The following PABPC1L variants were observed in gnomAD, a reference collection of about 807,000 sequenced individuals.
PABPC1L encodes the protein poly(A) binding protein cytoplasmic 1 like, also known as polyadenylate-binding protein 1-like.
Under a neutral mutation model 66.6 loss-of-function variants are expected in PABPC1L, and 31 were observed. That is an observed-to-expected ratio of 0.47 (90% CI 0.35 to 0.63). The LOEUF is 0.63. PABPC1L is among the 20% of genes least tolerant of loss of function. PABPC1L has a pLI of 0.00. For missense variants in PABPC1L, 722 were observed against 848.8 expected, an observed-to-expected ratio of 0.85 and a Z score of 1.86; for synonymous variants, 348 against 335.1, an observed-to-expected ratio of 1.04 and a Z score of -0.42.
chr20:44,910,209 G>C lies in PABPC1L; in HGVS notation c.66G>C (p.Val22=). The C allele has an allele frequency of 6.3e-7, 1 of 1,580,232 alleles. No homozygotes were observed. The highest frequency in any genetic ancestry group is 8.6e-7 in the Non-Finnish European group (1 of 1,163,376). ...ACGTGGGCGATCTGCACCCCGACGT[G>C]ACCGAGGCCATGCTCTATGAGAAGT... The part of the protein sequence containing the change: ...SLYVGDLHPD[V]TEAMLYEKFS... Residue 22 remains valine (V), a synonymous_variant, in exon 1 of 15, where the codon GTG becomes GTC. Coordinates refer to ENST00000217073, the MANE Select transcript of PABPC1L (RefSeq NM_001372179.1).
At chr20:44,935,155 T>C (rs1320395950) in intron 10 of PABPC1L, among the ~76,000 whole-genome samples, 1 of 151,480 alleles carries the variant, frequency 6.6e-6, no homozygotes, top group Non-Finnish European at 1.5e-5. Context: ...TACCCAGAGG[T>C]AAAATTGATG....
chr20:44,936,503 C>A (rs1467043789), intron 11 of PABPC1L, 134 bp from the exon 12 acceptor site: 1 of 682,194 alleles, frequency 1.5e-6, no homozygotes, highest in Non-Finnish European at 2.5e-6. Flanking sequence ...CTCCACCCCA[C>A]CTGATCATCC....
intron 8 of PABPC1L, among the ~76,000 whole-genome samples, chr20:44,931,016 C>CCTTCCTT (rs1180097668): frequency 2.0e-5 from 1 of 49,066 alleles, no homozygotes; most frequent in African/African-American, 7.5e-5. Flanking sequence ...TCCCTTCCTT[C>CCTTCCTT]CCTTCCCTCC....
At chr20:44,921,149 A>AT (rs1452600461) in intron 5 of PABPC1L, among the ~76,000 whole-genome samples, 2 of 111,274 alleles carry the variant, frequency 1.8e-5, no homozygotes, top group East Asian at 4.9e-4. Flanking sequence ...CCCCAGTCCG[A>AT]ATTTTTTTTT....
At chr20:44,929,668 G>A (rs553085553) in intron 7 of PABPC1L, among the ~76,000 whole-genome samples, 18 of 151,918 alleles carry the variant, frequency 1.2e-4, no homozygotes, top group African/African-American at 3.6e-4. Context: ...GGTGGCACAC[G>A]CCTGTAGTCC....
chr20:44,916,804 G>A lies in PABPC1L; in HGVS notation c.436G>A (p.Glu146Lys). ...CCGGGGTTTCGGCTTTGTCCATTTT[G>A]AGACCCATGAGGCCGCACAGCAGGC... ...GSRGFGFVHF[E>K]THEAAQQAIN... The change falls in exon 3 of 15, where the codon GAG becomes AAG. Residue 146 changes from glutamate to lysine, a missense_variant. Physicochemically the swap from Glu to Lys is moderately conservative, Grantham distance 56. Transcript: ENST00000217073. The A allele has an allele frequency of 6.2e-7, 1 of 1,614,168 alleles. No individual in the cohort carries two copies. Among genetic ancestry groups the A allele is most frequent in the Non-Finnish European group, 8.5e-7 (1 of 1,180,024 alleles).
In PABPC1L at chr20:44,910,964, G is replaced by A. The variant is rs74478843; in HGVS notation, c.193+628G>A. On this transcript the variant is annotated intron_variant, in intron 1 of 14. Transcript: ENST00000217073. ...CGATGAGTTTGCCTGCACTTCTGTT[G>A]AGAGTGGAGAGGATGAGTGAGCTTG... is the stretch of plus-strand genomic sequence containing the variant. Among the ~76,000 whole-genome samples the A allele has an allele frequency of 3.9e-3, 593 of 152,344 alleles. 6 individuals carry two copies. The highest frequency in any genetic ancestry group is 0.014 in the African/African-American group (576 of 41,572).
intron 7 of PABPC1L, among the ~76,000 whole-genome samples, chr20:44,930,079 G>A (rs1294345662): frequency 6.6e-6 from 1 of 152,098 alleles, no homozygotes; most frequent in East Asian, 1.9e-4. Flanking sequence ...TGGGAGCCGC[G>A]ATGCCTCCCG....
At chr20:44,935,087 A>C (rs370104783) in intron 10 of PABPC1L, among the ~76,000 whole-genome samples, 126 of 151,514 alleles carry the variant, frequency 8.3e-4, no homozygotes, top group Non-Finnish European at 1.6e-3. Context: ...AAAAAAAAGA[A>C]AGAAAATGTT....
In PABPC1L at chr20:44,939,215, A is replaced by G. The variant is rs566987130; in HGVS notation, c.*96A>G. 1.4e-6 allele frequency: 1 copy of G among 717,782 alleles called. No individual in the cohort carries two copies. Among genetic ancestry groups the G allele is most frequent in the Non-Finnish European group, 2.6e-6 (1 of 385,146 alleles). The allele number at this position is 717,782 out of a possible 1,614,324, so 44.5% of individuals were successfully genotyped here. ...CCTGCAAACTCTAACTTATTTCCCA[A>G]TTAGTCTGTATCTATACTTGGGCTC... On this transcript the variant is annotated 3_prime_UTR_variant, in exon 15 of 15. Coordinates refer to ENST00000217073, the MANE Select transcript of PABPC1L (RefSeq NM_001372179.1).
At chr20:44,923,159 A>T (rs1015053036) in intron 6 of PABPC1L, among the ~76,000 whole-genome samples, 38 of 152,172 alleles carry the variant, frequency 2.5e-4, no homozygotes, top group African/African-American at 8.9e-4. Context: ...GGCAGCTGTC[A>T]CTCAACAGTG....
At chr20:44,933,743 C>A (rs1465432134) in intron 10 of PABPC1L, among the ~76,000 whole-genome samples, 1 of 147,106 alleles carries the variant, frequency 6.8e-6, no homozygotes, top group African/African-American at 2.5e-5. Flanking sequence ...CTGTGCCCAG[C>A]CTTAATTTTT....
rs776487546 is a variant in PABPC1L at position 44,938,736 on chromosome 20, G to A, written c.1854G>A (p.Met618Ile). 1.9e-6 allele frequency: 3 copies of A among 1,611,212 alleles called. No homozygotes were observed. Among genetic ancestry groups the A allele is most frequent in the Admixed American group, 1.7e-5 (1 of 59,602 alleles). Residue 618 changes from methionine to isoleucine, a missense_variant, in exon 14 of 15, where the codon ATG becomes ATA. Around this residue, in one of 3 missense-constraint regions of PABPC1L, gnomAD observed 301 missense variants for 337.2 expected, o/e 0.89. Coordinates refer to ENST00000217073, the MANE Select transcript of PABPC1L (RefSeq NM_001372179.1). ...CTATGGAGCAGCCGAAGGCGTACAT[G>A]CACTGAAACCAGGTGGGTGGAATGG... is the stretch of plus-strand genomic sequence containing the variant. ...HQAMEQPKAY[M>I]H
intron 1 of PABPC1L, 35 bp downstream of exon 1, chr20:44,910,371 C>G (rs1450676412): frequency 1.4e-6 from 2 of 1,448,022 alleles, no homozygotes; most frequent in African/African-American, 1.5e-5. Flanking sequence ...GGGGAAGGAC[C>G]GACGGACAAG....
chr20:44,932,881 T>TC (rs1180570391), intron 9 of PABPC1L, 176 bp from the exon 10 acceptor site: 2 of 590,764 alleles, frequency 3.4e-6, no homozygotes, highest in African/African-American at 3.7e-5. Flanking sequence ...ATTCCTACAC[T>TC]CCCCCTTTCT....
In PABPC1L at chr20:44,921,592, A is replaced by G. The variant is rs1156579430; in HGVS notation, c.739-2A>G. On this transcript the variant is annotated splice_acceptor_variant, in intron 5 of 14. Coordinates refer to ENST00000217073, the MANE Select transcript of PABPC1L (RefSeq NM_001372179.1). LOFTEE classifies it high-confidence loss of function. ...AAGCATGTTCCCTCCTCCTTTCCCC[A>G]GGCCGTGGTCCATATGAACGGGAAG... is the stretch of plus-strand genomic sequence containing the variant. 1 of 1,613,596 alleles carries G rather than the reference A, an allele frequency of 6.2e-7. No individual in the cohort carries two copies. Among genetic ancestry groups the G allele is most frequent in the African/African-American group, 1.3e-5 (1 of 74,890 alleles).
chr20:44,911,199 C>T (rs1197490532), intron 1 of PABPC1L, among the ~76,000 whole-genome samples: 7 of 152,112 alleles, frequency 4.6e-5, no homozygotes, highest in Non-Finnish European at 8.8e-5. Flanking sequence ...CGCAGTGGCT[C>T]ACGCCTGTAA....
chr20:44,921,704 G>A lies in PABPC1L; in HGVS notation c.849G>A (p.Met283Ile). ...QNELKRRFEQ[M>I]KQDRLRRYQG... ...AACTGAAGCGCAGGTTTGAGCAGAT[G>A]AAGCAGGACCGGCTGAGGCGTTACC... The change falls in exon 6 of 15, where the codon ATG (methionine) becomes ATA (isoleucine). Residue 283 changes from methionine to isoleucine, a missense_variant. Transcript: ENST00000217073. 6.2e-7 allele frequency: 1 copy of A among 1,613,828 alleles called. No homozygotes were observed. The highest frequency in any genetic ancestry group is 8.5e-7 in the Non-Finnish European group (1 of 1,179,866).
At chr20:44,921,457 C>A in intron 5 of PABPC1L, 137 bp from the exon 6 acceptor site, 1 of 1,291,598 alleles carries the variant, frequency 7.7e-7, no homozygotes, top group Non-Finnish European at 1.1e-6. Flanking sequence ...CTTAAATGGC[C>A]TTTGTCCTGG....
Sources: allele counts gnomAD v4.1 joint callset (sites outside exome capture counted in the v4.1 genomes callset), GRCh38; gene constraint gnomAD v4.1.1; regional missense constraint gnomAD v4.1.1; transcripts MANE v1.5; gene names NCBI Gene and HGNC (gene_info 2026-07-23, HGNC 2026-07-21).